Variants in INPP5A observed in about 807,000 individuals in gnomAD.
INPP5A encodes 43 kDa inositol polyphosphate 5-phophatase.
INPP5A carries 14 observed loss-of-function variants against 65.2 expected under a neutral mutation model. The observed-to-expected ratio is 0.21, with a 90% confidence interval of 0.14 to 0.34. The LOEUF is 0.34. Among genes scored for constraint, INPP5A ranks in the 10% least tolerant of loss-of-function variants. The pLI, the probability that INPP5A is intolerant of heterozygous loss-of-function variation, is 1.00. For synonymous variants in INPP5A, 207 were observed against 208.3 expected (o/e 0.99, Z 0.05); for missense variants, 431 against 545.6 (o/e 0.79, Z 2.09).
intron 1 of INPP5A, among the ~76,000 whole-genome samples, chr10:132,573,609 A>C (rs1314662601): frequency 1.2e-5 from 1 of 86,590 alleles, no homozygotes; most frequent in African/African-American, 5.2e-5. Flanking sequence ...GGTTTTGTTG[A>C]GATGTTGGGG....
rs1846007416 is a variant in INPP5A, at chr10:132,727,528, G to T, written c.732+623G>T. Among the ~76,000 whole-genome samples, 1 of 151,888 alleles carries T rather than the reference G, an allele frequency of 6.6e-6. No homozygotes were observed. The highest frequency in any genetic ancestry group is 6.6e-5 in the Admixed American group (1 of 15,266). ...GACAGGAAGTGGGCCTCTAGGCTCA[G>T]TGCAAGGGCCGATGTTTCTCTGTGG... is the stretch of plus-strand genomic sequence containing the variant. On this transcript the variant is annotated intron_variant, in intron 9 of 15. Coordinates refer to ENST00000368594, the MANE Select transcript of INPP5A (RefSeq NM_005539.5). The surrounding 1 kb of genome is among the most constrained non-coding windows in gnomAD (Gnocchi z 6.5).
At chr10:132,664,608 G>A (rs1226275071) in intron 4 of INPP5A, among the ~76,000 whole-genome samples, 2 of 152,234 alleles carry the variant, frequency 1.3e-5, no homozygotes, top group African/African-American at 4.8e-5. Flanking sequence ...GTGTGGGGGT[G>A]GCTGGGCCTC....
intron 8 of INPP5A, among the ~76,000 whole-genome samples, chr10:132,715,766 C>T (rs1219272860): frequency 6.6e-6 from 1 of 152,264 alleles, no homozygotes; most frequent in Non-Finnish European, 1.5e-5. Context: ...CCTCACACTC[C>T]CGCTGGCCTC....
intron 12 of INPP5A, among the ~76,000 whole-genome samples, chr10:132,776,839 A>G (rs1410814427): frequency 6.6e-6 from 1 of 152,018 alleles, no homozygotes; most frequent in Non-Finnish European, 1.5e-5. Context: ...GGCCATGGCC[A>G]TGAGGCTCCA....
intron 8 of INPP5A, among the ~76,000 whole-genome samples, chr10:132,715,051 G>A (rs563992350): frequency 2.3e-4 from 35 of 151,936 alleles, no homozygotes; most frequent in African/African-American, 8.2e-4. Flanking sequence ...TGGAGGCGCC[G>A]AGCACTCAGC....
chr10:132,557,269 CA>C (rs2071139066), intron 1 of INPP5A, among the ~76,000 whole-genome samples: 3 of 152,254 alleles, frequency 2.0e-5, no homozygotes, highest in Admixed American at 6.5e-5. Context: ...CTGTGACTCC[CA>C]TGGAGCCTGG....
chr10:132,575,769 T>C lies in INPP5A; in HGVS notation c.76-32146T>C, dbSNP rs1417159336. Among the ~76,000 whole-genome samples the C allele has an allele frequency of 6.6e-6, 1 of 152,090 alleles. No individual in the cohort carries two copies. On this transcript the variant is annotated intron_variant, in intron 1 of 15. Coordinates refer to ENST00000368594, the MANE Select transcript of INPP5A (RefSeq NM_005539.5). The surrounding 1 kb of genome is among the most constrained non-coding windows in gnomAD (Gnocchi z 5.4). ...CCTCTGGCCGTGGGCTCCCGCGTGGTGTGTGCGGCCCAGGGCCCTGGCAGT... is the reference window on the plus strand; with the variant it reads ...CCTCTGGCCGTGGGCTCCCGCGTGGCGTGTGCGGCCCAGGGCCCTGGCAGT...
chr10:132,608,298 G>A lies in INPP5A; in HGVS notation c.117+342G>A, dbSNP rs73399380. ...AGTGGGGCCGTGGAGAGCTGGCAGC[G>A]AGGCTGGGTGTGCTCCTCACCAGGT... On this transcript the variant is annotated intron_variant, in intron 2 of 15. Transcript: ENST00000368594. 3.9e-3 allele frequency among the ~76,000 whole-genome samples: 591 copies of A among 152,348 alleles called. 3 individuals carry two copies. The highest frequency in any genetic ancestry group is 0.014 in the African/African-American group (563 of 41,586).
Position 132,724,528 on chromosome 10 carries a change from G to A in INPP5A, c.648-2293G>A, listed in dbSNP as rs572518223. 3.9e-5 allele frequency among the ~76,000 whole-genome samples: 6 copies of A among 152,330 alleles called. No homozygotes were observed. The East Asian group carries it at 1.2e-3, about 29-fold the overall frequency. The stretch of plus-strand genomic sequence containing the variant: ...AGGCAAAACGGAAAGGCCAGCCCCA[G>A]GCCAGCAGGAGCACGTGTTCACCAC... On this transcript the variant is annotated intron_variant, in intron 8 of 15. Transcript: ENST00000368594.
intron 1 of INPP5A, among the ~76,000 whole-genome samples, chr10:132,600,793 G>A (rs2071766055): frequency 6.6e-6 from 1 of 152,226 alleles, no homozygotes; most frequent in Non-Finnish European, 1.5e-5. Context: ...AAGAGAAAAT[G>A]AGAAGGAAGC....
chr10:132,646,772 G>A (rs1426566565), intron 3 of INPP5A, among the ~76,000 whole-genome samples: 8 of 151,974 alleles, frequency 5.3e-5, no homozygotes, highest in African/African-American at 1.2e-4. Flanking sequence ...TCTGTGGGCC[G>A]ACGCCGCTGC....
intron 6 of INPP5A, among the ~76,000 whole-genome samples, chr10:132,701,356 G>A (rs1399752884): frequency 1.3e-5 from 2 of 152,308 alleles, no homozygotes; most frequent in Admixed American, 6.5e-5. Flanking sequence ...GCGGAGCCAC[G>A]GCCGTCCCAT....
In INPP5A at chr10:132,575,068, C is replaced by T. The variant is rs890925140; in HGVS notation, c.76-32847C>T. 3.3e-5 allele frequency among the ~76,000 whole-genome samples: 5 copies of T among 152,272 alleles called. No individual in the cohort carries two copies. The highest frequency in any genetic ancestry group is 6.5e-5 in the Admixed American group (1 of 15,284). On this transcript the variant is annotated intron_variant, in intron 1 of 15. Coordinates refer to ENST00000368594, the MANE Select transcript of INPP5A (RefSeq NM_005539.5). The surrounding 1 kb of genome is among the most constrained non-coding windows in gnomAD (Gnocchi z 5.4). ...CCGGGGGCTCCGGATTCGGGGTGTCCGTGGAAAACACATGATGCCAGGTCC... is the reference window on the plus strand; with the variant it reads ...CCGGGGGCTCCGGATTCGGGGTGTCTGTGGAAAACACATGATGCCAGGTCC...
intron 4 of INPP5A, among the ~76,000 whole-genome samples, chr10:132,653,329 C>CT: frequency 6.6e-6 from 1 of 152,322 alleles, no homozygotes; most frequent in East Asian, 1.9e-4. Flanking sequence ...CTGCGGCTGC[C>CT]TCCACACCTG....
At chr10:132,615,215 G>A (rs142237396) in intron 2 of INPP5A, among the ~76,000 whole-genome samples, 2,601 of 152,340 alleles carry the variant, frequency 0.017, 43 homozygotes, top group Non-Finnish European at 0.026. Context: ...GCACTGTCTC[G>A]TGGCGGCCCG....
intron 2 of INPP5A, among the ~76,000 whole-genome samples, chr10:132,635,418 C>T (rs1420419832): frequency 1.2e-3 from 3 of 2,484 alleles, no homozygotes; most frequent in East Asian, 0.019. Context: ...TTTTTTGAGA[C>T]GGAGTCTCGC....
chr10:132,600,907 C>G (rs1186810773), intron 1 of INPP5A, among the ~76,000 whole-genome samples: 2 of 152,232 alleles, frequency 1.3e-5, no homozygotes, highest in Non-Finnish European at 1.5e-5. Flanking sequence ...TTACCTCCCC[C>G]TGGGTCCCTC....
Position 132,655,602 on chromosome 10 carries a change from A to T in INPP5A, c.306+5097A>T, listed in dbSNP as rs575745552. 2.0e-5 allele frequency among the ~76,000 whole-genome samples: 3 copies of T among 152,336 alleles called. No homozygotes were observed. In the South Asian group the frequency reaches 6.2e-4, roughly 32 times the overall value. ...CGCTTCCAAGAGGGTTCTGTGAGGA[A>T]GAGGTTGCAAATTCATTTTCGTTTA... On this transcript the variant is annotated intron_variant, in intron 4 of 15. Transcript: ENST00000368594.
intron 4 of INPP5A, among the ~76,000 whole-genome samples, chr10:132,666,366 C>A (rs1737864292): frequency 6.6e-6 from 1 of 152,112 alleles, no homozygotes. Flanking sequence ...TCATCGTAGG[C>A]AGTAGGGAGG....
Sources: allele counts gnomAD v4.1 joint callset (sites outside exome capture counted in the v4.1 genomes callset), GRCh38; gene constraint gnomAD v4.1.1; non-coding constraint Gnocchi (gnomAD v3.1); transcripts MANE v1.5; gene names NCBI Gene and HGNC (gene_info 2026-07-23, HGNC 2026-07-21).